Variants in ARHGEF7 observed in about 807,000 individuals in gnomAD.
ARHGEF7 encodes the protein Rho guanine nucleotide exchange factor 7.
ARHGEF7 carries 33 observed loss-of-function variants against 109.8 expected under a neutral mutation model. That is an observed-to-expected ratio of 0.30 (90% CI 0.23 to 0.40). The LOEUF (loss-of-function observed/expected upper bound fraction) is 0.40, where lower values mean the gene tolerates loss of function less well. Among genes scored for constraint, ARHGEF7 ranks in the 10% least tolerant of loss-of-function variants. The probability of loss-of-function intolerance (pLI) is 1.00; values close to 1 mark genes in which losing one functional copy is unlikely to be tolerated. For synonymous variants in ARHGEF7, 458 were observed against 424.6 expected (o/e 1.08, Z -0.97); for missense variants, 938 against 1,098.5 (o/e 0.85, Z 2.07).
intron 2 of ARHGEF7, among the ~76,000 whole-genome samples, chr13:111,173,427 A>G (rs1198538296): frequency 1.3e-5 from 2 of 152,206 alleles, no homozygotes; most frequent in African/African-American, 2.4e-5. Flanking sequence ...AGTTTGACCA[A>G]TTCCAGGCCT....
intron 1 of ARHGEF7, chr13:111,143,454 A>C (rs954873321): frequency 6.6e-6 from 1 of 152,302 alleles, no homozygotes; most frequent in Non-Finnish European, 1.5e-5. Context: ...GAGAGGGAAC[A>C]TGCCAAAGGG....
At chr13:111,120,415 G>GCACA (rs200461268) in intron 1 of ARHGEF7, among the ~76,000 whole-genome samples, 1 of 152,166 alleles carries the variant, frequency 6.6e-6, no homozygotes, top group African/African-American at 2.4e-5. Context: ...ACGAACTTAT[G>GCACA]CACACACGCA....
chr13:111,259,955 G>C (rs2090904798), intron 8 of ARHGEF7, among the ~76,000 whole-genome samples: 1 of 152,140 alleles, frequency 6.6e-6, no homozygotes. Flanking sequence ...TTCTGGAGTT[G>C]AAAAATGTAG....
At chr13:111,115,778 C>CG (rs1425446560) in intron 1 of ARHGEF7, 87 bp downstream of exon 1, 1 of 799,046 alleles carries the variant, frequency 1.3e-6, no homozygotes, top group Non-Finnish European at 1.6e-6. Context: ...AGGCCGGCCG[C>CG]GCTCGGGAAA....
rs79118602 is a variant in ARHGEF7, at chr13:111,174,931, A to G, written c.252+20940A>G. 2.5e-3 allele frequency among the ~76,000 whole-genome samples: 375 copies of G among 152,306 alleles called. 7 individuals are homozygous for G. The East Asian group carries it at 0.063, about 26-fold the overall frequency. On this transcript the variant is annotated intron_variant, in intron 2 of 21. Transcript: ENST00000646102. ...TGCTTGTGCGTGTCGGGTGAAACCT[A>G]AAAGCTCCATCTGTTGCCTGTGTCT...
chr13:111,137,775 A>T (rs1046967869), intron 1 of ARHGEF7, among the ~76,000 whole-genome samples: 2 of 152,200 alleles, frequency 1.3e-5, no homozygotes, highest in Non-Finnish European at 2.9e-5. Context: ...ACAAGATTTG[A>T]TGAAATATGT....
At chr13:111,208,329 T>G (rs1008223716) in intron 3 of ARHGEF7, among the ~76,000 whole-genome samples, 3 of 152,216 alleles carry the variant, frequency 2.0e-5, no homozygotes, top group Non-Finnish European at 4.4e-5. Flanking sequence ...CATGAGCCAC[T>G]GCGCCTGGCC....
chr13:111,285,528 G>T (rs1023355563), intron 16 of ARHGEF7, among the ~76,000 whole-genome samples: 1 of 152,140 alleles, frequency 6.6e-6, no homozygotes, highest in Admixed American at 6.5e-5. Flanking sequence ...GTTTGAAGAG[G>T]TAAGGGGTGG....
rs571200266 is a variant in ARHGEF7 at position 111,160,093 on chromosome 13, C to T, written c.252+6102C>T. On this transcript the variant is annotated intron_variant, in intron 2 of 21. Coordinates refer to ENST00000646102, the MANE Select transcript of ARHGEF7 (RefSeq NM_001354046.2). ...ATGTGGATATCCAATTTTCCCAGCACCATATGTTGAAGACTGTCCTTTTCC... is the reference window on the plus strand; with the variant it reads ...ATGTGGATATCCAATTTTCCCAGCATCATATGTTGAAGACTGTCCTTTTCC... 2.0e-5 allele frequency among the ~76,000 whole-genome samples: 3 copies of T among 152,202 alleles called. No individual in the cohort carries two copies. The East Asian group carries it at 5.8e-4, about 29-fold the overall frequency.
intron 2 of ARHGEF7, among the ~76,000 whole-genome samples, chr13:111,183,192 C>T (rs1370368930): frequency 2.6e-5 from 4 of 152,152 alleles, no homozygotes; most frequent in Non-Finnish European, 5.9e-5. Flanking sequence ...ATTGCACGCA[C>T]GCTATGTCAT....
At chr13:111,302,530 CTGTT>C (rs2093592695) in intron 21 of ARHGEF7, among the ~76,000 whole-genome samples, 1 of 152,212 alleles carries the variant, frequency 6.6e-6, no homozygotes, top group East Asian at 1.9e-4. Context: ...CAGCAGGCAT[CTGTT>C]TGTGCATGCC....
At chr13:111,175,343 AGAGT>A (rs1760592524) in intron 2 of ARHGEF7, among the ~76,000 whole-genome samples, 1 of 152,230 alleles carries the variant, frequency 6.6e-6, no homozygotes, top group South Asian at 2.1e-4. Flanking sequence ...TGAAGAAGAC[AGAGT>A]GAGGGGAGAG....
intron 1 of ARHGEF7, among the ~76,000 whole-genome samples, chr13:111,133,385 CAT>C (rs921742126): frequency 2.6e-4 from 40 of 152,248 alleles, no homozygotes; most frequent in African/African-American, 7.9e-4. Flanking sequence ...TATCTATACA[CAT>C]GTTGATACAC....
intron 2 of ARHGEF7, among the ~76,000 whole-genome samples, chr13:111,160,345 T>G (rs1206595506): frequency 3.3e-5 from 5 of 152,114 alleles, no homozygotes; most frequent in Admixed American, 1.3e-4. Context: ...TTTTTTTTTT[T>G]TGTGATTCCA....
At chr13:111,269,875 A>C (rs2091995899) in intron 9 of ARHGEF7, among the ~76,000 whole-genome samples, 1 of 152,090 alleles carries the variant, frequency 6.6e-6, no homozygotes, top group South Asian at 2.1e-4. Flanking sequence ...CTGCCTTTGT[A>C]CTTGGATTCT....
At chr13:111,199,159 C>CTGTAGGAAGCTGA (rs1454346377) in intron 2 of ARHGEF7, among the ~76,000 whole-genome samples, 4 of 152,208 alleles carry the variant, frequency 2.6e-5, no homozygotes, top group Non-Finnish European at 5.9e-5. Context: ...CTGCCCCTGC[C>CTGTAGGAAGCTGA]TGTAGGAAGC....
chr13:111,295,362 G>A (rs900781360), intron 19 of ARHGEF7, among the ~76,000 whole-genome samples: 2 of 152,150 alleles, frequency 1.3e-5, no homozygotes, highest in Non-Finnish European at 2.9e-5. Flanking sequence ...TAGATTAGCC[G>A]TGTTCTGGAC....
intron 5 of ARHGEF7, among the ~76,000 whole-genome samples, chr13:111,227,147 C>T (rs1326903170): frequency 6.6e-6 from 1 of 152,164 alleles, no homozygotes; most frequent in African/African-American, 2.4e-5. Context: ...TAGAATCTAC[C>T]CTTGCTGAAG....
intron 2 of ARHGEF7, among the ~76,000 whole-genome samples, chr13:111,160,997 G>C (rs1267055839): frequency 6.6e-6 from 1 of 152,174 alleles, no homozygotes; most frequent in Admixed American, 6.5e-5. Flanking sequence ...AATCCAAAAT[G>C]CTCCAAAATC....
Sources: allele counts gnomAD v4.1 joint callset (sites outside exome capture counted in the v4.1 genomes callset), GRCh38; gene constraint gnomAD v4.1.1; transcripts MANE v1.5; gene names NCBI Gene and HGNC (gene_info 2026-07-23, HGNC 2026-07-21).